Variants in SCLY observed in about 807,000 individuals in gnomAD.
SCLY encodes putative selenocysteine lyase.
Under a neutral mutation model 50.1 loss-of-function variants are expected in SCLY, and 38 were observed. That is an observed-to-expected ratio of 0.76 (90% confidence interval 0.59 to 0.99). The LOEUF (loss-of-function observed/expected upper bound fraction) is 0.99, where lower values mean the gene tolerates loss of function less well. Ranked by LOEUF, SCLY falls within the 50% of genes least tolerant of loss-of-function variation. The pLI, the probability that SCLY is intolerant of heterozygous loss-of-function variation, is 0.00. For synonymous variants in SCLY, 243 were observed against 249.4 expected, an observed-to-expected ratio of 0.97 and a Z score of 0.24; for missense variants, 600 against 620.0, an observed-to-expected ratio of 0.97 and a Z score of 0.34.
intron 7 of SCLY, among the ~76,000 whole-genome samples, chr2:238,087,084 G>T (rs957275055): frequency 2.6e-5 from 4 of 151,950 alleles, no homozygotes; most frequent in Admixed American, 1.3e-4. Context: ...TAGCACTGTG[G>T]GAGGTCAAGG....
chr2:238,077,143 A>C (rs1396865460), intron 4 of SCLY, among the ~76,000 whole-genome samples: 8 of 152,056 alleles, frequency 5.3e-5, no homozygotes, highest in Non-Finnish European at 8.8e-5. Context: ...CAAACCTGTC[A>C]GTTTTTGCTT....
rs1691328842 is a variant in SCLY at position 238,098,619 on chromosome 2, G to GGGACCGCCCACATGGGACCGCCCACATA, written c.*291_*292insAGGACCGCCCACATGGGACCGCCCACAT. The GGGACCGCCCACATGGGACCGCCCACATA allele has an allele frequency of 4.8e-5, 10 of 208,728 alleles. No individual in the cohort carries two copies. The highest frequency in any genetic ancestry group is 9.9e-5 in the Admixed American group (1 of 10,080). 12.9% of individuals were successfully genotyped at this position (208,728 alleles called of 1,614,324 possible). The stretch of plus-strand genomic sequence containing the variant: ...ACCGCCCACATAGGACCGCCCACAT[G>GGGACCGCCCACATGGGACCGCCCACATA]GGACCGCCCACATGGGACCGCCCAC... On this transcript the variant is annotated 3_prime_UTR_variant, in exon 12 of 12. Coordinates refer to ENST00000254663, the MANE Select transcript of SCLY (RefSeq NM_016510.7).
intron 4 of SCLY, among the ~76,000 whole-genome samples, chr2:238,071,296 A>G (rs1399383131): frequency 3.9e-5 from 6 of 152,242 alleles, no homozygotes; most frequent in Admixed American, 3.9e-4. Flanking sequence ...TAGTTAAAAT[A>G]TTATAGAAAA....
rs1309197703 is a variant in SCLY at position 238,093,958 on chromosome 2, G to T, written c.1005+14G>T. The T allele has an allele frequency of 3.7e-6, 6 of 1,610,566 alleles. No individual in the cohort carries two copies. Among genetic ancestry groups the T allele is most frequent in the Admixed American group, 1.7e-5 (1 of 59,706 alleles). On this transcript the variant is annotated intron_variant, in intron 9 of 11. Transcript: ENST00000254663. ...GAGAGGCTGGAAGTGAGCGCAGCGT[G>T]GGGTGGGCACCAGGAGGGGGAGGGT...
At chr2:238,084,818 C>T (rs553374063) in intron 7 of SCLY, among the ~76,000 whole-genome samples, 7 of 142,474 alleles carry the variant, frequency 4.9e-5, no homozygotes, top group African/African-American at 1.8e-4. Context: ...CATTTGAACC[C>T]GGGAGGCGGA....
chr2:238,061,780 A>G (rs2065021068), intron 1 of SCLY, among the ~76,000 whole-genome samples: 1 of 152,136 alleles, frequency 6.6e-6, no homozygotes, highest in South Asian at 2.1e-4. Flanking sequence ...AGCTGCAGGA[A>G]ACGGGATGGC....
intron 8 of SCLY, chr2:238,093,402 G>A (rs1376439845): frequency 1.6e-5 from 3 of 190,256 alleles, no homozygotes; most frequent in East Asian, 1.3e-4. Flanking sequence ...CACCCGCCAC[G>A]CCAGGCCCCT....
intron 7 of SCLY, among the ~76,000 whole-genome samples, chr2:238,086,349 T>C (rs934533163): frequency 1.3e-5 from 2 of 152,138 alleles, no homozygotes; most frequent in African/African-American, 4.8e-5. Context: ...TTTAAGATAA[T>C]TATAGAAAGG....
intron 7 of SCLY, among the ~76,000 whole-genome samples, chr2:238,084,209 G>A (rs1392667300): frequency 6.6e-6 from 1 of 152,230 alleles, no homozygotes; most frequent in Non-Finnish European, 1.5e-5. Context: ...CCACCATGGT[G>A]TCAGTAGAGA....
At position 238,098,930 on chromosome 2, in the gene SCLY, A is replaced by G. The variant is rs1257893899; in HGVS notation, c.*575A>G. ...GTCCCTTTCCAAAGCTGCCCCCACC[A>G]CCCTGCTCCTCTGGCCTCAGTGCAC... On this transcript the variant is annotated 3_prime_UTR_variant, in exon 12 of 12. Coordinates refer to ENST00000254663, the MANE Select transcript of SCLY (RefSeq NM_016510.7). The G allele has an allele frequency of 1.8e-5, 4 of 220,128 alleles. No individual in the cohort carries two copies. Among genetic ancestry groups the G allele is most frequent in the Admixed American group, 1.1e-4 (2 of 17,756 alleles). The allele number at this position is 220,128 out of a possible 1,614,324, so 13.6% of individuals were successfully genotyped here.
intron 2 of SCLY, chr2:238,064,771 G>GATCTA: frequency 5.1e-6 from 1 of 194,978 alleles, no homozygotes; most frequent in South Asian, 1.2e-4. Context: ...TACCTGTGGA[G>GATCTA]CACTTCACAG....
chr2:238,077,034 G>T (rs1419305045), intron 4 of SCLY, among the ~76,000 whole-genome samples: 1 of 152,008 alleles, frequency 6.6e-6, no homozygotes, highest in Non-Finnish European at 1.5e-5. Flanking sequence ...CTGCCTAGTT[G>T]TTGTATCCAT....
intron 7 of SCLY, among the ~76,000 whole-genome samples, chr2:238,086,120 C>A (rs567132961): frequency 1.3e-5 from 2 of 152,172 alleles, no homozygotes; most frequent in Non-Finnish European, 2.9e-5. Context: ...TCTTCAAGTG[C>A]TCAGAGAAAA....
Position 238,083,344 on chromosome 2 carries a change from T to C in SCLY, c.874T>C (p.Phe292Leu). 1 of 1,609,974 alleles carries C rather than the reference T, an allele frequency of 6.2e-7. No individual in the cohort carries two copies. The highest frequency in any genetic ancestry group is 8.5e-7 in the Non-Finnish European group (1 of 1,176,208). ...MLFGGGQERNFRPGTENTPMI... is the reference protein window; with the variant it reads ...MLFGGGQERNLRPGTENTPMI... ...ATTTGGAGGTGGACAAGAACGGAAT[T>C]TCAGGCCAGGGTAAGGCAGAAAGTT... Residue 292 changes from phenylalanine (F) to leucine (L), a missense_variant, in exon 7 of 12, where the codon TTC (phenylalanine) becomes CTC (leucine). Coordinates refer to ENST00000254663, the MANE Select transcript of SCLY (RefSeq NM_016510.7). The surrounding 1 kb of genome is among the most constrained non-coding windows in gnomAD (Gnocchi z 4.3).
chr2:238,085,694 C>T (rs375887322), intron 7 of SCLY, among the ~76,000 whole-genome samples: 1 of 151,962 alleles, frequency 6.6e-6, no homozygotes, highest in African/African-American at 2.4e-5. Context: ...GCCACTCCAG[C>T]CTGGGCAACA....
In SCLY at chr2:238,083,374, A is replaced by C; in HGVS notation, c.884+20A>C. ...GCCAGGGTAAGGCAGAAAGTTAACA[A>C]AGTCTCTGACCTACTGACCGTGTCA... On this transcript the variant is annotated intron_variant, in intron 7 of 11. Coordinates refer to ENST00000254663, the MANE Select transcript of SCLY (RefSeq NM_016510.7). The surrounding 1 kb of genome is among the most constrained non-coding windows in gnomAD (Gnocchi z 4.3). 2 of 1,516,650 alleles carry C rather than the reference A, an allele frequency of 1.3e-6. No homozygotes were observed. Among genetic ancestry groups the C allele is most frequent in the Non-Finnish European group, 1.8e-6 (2 of 1,091,266 alleles). The allele number at this position is 1,516,650 out of a possible 1,614,324, so 93.9% of individuals were successfully genotyped here.
At chr2:238,076,046 C>T (rs1261028405) in intron 4 of SCLY, among the ~76,000 whole-genome samples, 4 of 132,744 alleles carry the variant, frequency 3.0e-5, no homozygotes, top group Admixed American at 7.7e-5. Flanking sequence ...TGATTTGTTC[C>T]TTTTTTTTTT....
At chr2:238,089,630 ATTT>A (rs544432437) in intron 7 of SCLY, among the ~76,000 whole-genome samples, 1 of 132,370 alleles carries the variant, frequency 7.6e-6, no homozygotes, top group Non-Finnish European at 1.6e-5. Flanking sequence ...TAAAACATTG[ATTT>A]TTTTTTTTTT....
chr2:238,064,258 C>G, intron 1 of SCLY, 99 bp from the exon 2 acceptor site: 2 of 638,742 alleles, frequency 3.1e-6, no homozygotes, highest in South Asian at 4.6e-5. Flanking sequence ...ATGCCCTTGA[C>G]ATTATTTGCT....
Sources: allele counts gnomAD v4.1 joint callset (sites outside exome capture counted in the v4.1 genomes callset), GRCh38; gene constraint gnomAD v4.1.1; non-coding constraint Gnocchi (gnomAD v3.1); transcripts MANE v1.5; gene names NCBI Gene and HGNC (gene_info 2026-07-23, HGNC 2026-07-21).